The following ZNF608 variants were observed in gnomAD, a reference collection of about 807,000 sequenced individuals.
The protein encoded by ZNF608 is zinc finger protein 608.
A neutral mutation model predicts 109.0 loss-of-function variants in ZNF608; 12 were observed. The ratio of observed to expected loss-of-function variants is 0.11; its 90% confidence interval spans 0.07 to 0.18. The LOEUF is 0.18. Among genes scored for constraint, ZNF608 ranks in the 10% least tolerant of loss-of-function variants. The pLI is 1.00. For missense variants in ZNF608, 1,707 were observed against 1,879.3 expected (o/e 0.91, Z 1.70); for synonymous variants, 732 against 717.4 (o/e 1.02, Z -0.33).
At chr5:124,681,653 G>T (rs1752201850) in intron 3 of ZNF608, among the ~76,000 whole-genome samples, 1 of 152,120 alleles carries the variant, frequency 6.6e-6, no homozygotes, top group South Asian at 2.1e-4. Context: ...AAAGCCTGAG[G>T]CAGGACGATC....
At chr5:124,694,215 G>A (rs557715921) in intron 3 of ZNF608, among the ~76,000 whole-genome samples, 52 of 134,190 alleles carry the variant, frequency 3.9e-4, no homozygotes, top group African/African-American at 1.0e-3. Flanking sequence ...AGATGGTCTC[G>A]ATCTCCTGAC....
At chr5:124,682,526 G>C (rs999331602) in intron 3 of ZNF608, among the ~76,000 whole-genome samples, 2 of 152,230 alleles carry the variant, frequency 1.3e-5, no homozygotes, top group African/African-American at 4.8e-5. Flanking sequence ...GATTTTTATA[G>C]CTATGAATAA....
chr5:124,702,652 T>G lies in ZNF608; in HGVS notation c.907-1383A>C, dbSNP rs190150428. On this transcript the variant is annotated intron_variant, in intron 2 of 9. Coordinates refer to ENST00000513986, the MANE Select transcript of ZNF608 (RefSeq NM_020747.3). ...ACTATTTCTACAGTTTGCATTTCAC[T>G]AAAATGATAAACTGACGTTCACTTG... Among the ~76,000 whole-genome samples, 84 of 152,310 alleles carry G rather than the reference T, an allele frequency of 5.5e-4. No homozygotes were observed. The Middle Eastern group carries it at 0.01, about 19-fold the overall frequency.
chr5:124,740,841 T>C (rs1484667145), intron 2 of ZNF608, among the ~76,000 whole-genome samples: 2 of 152,224 alleles, frequency 1.3e-5, no homozygotes, highest in Non-Finnish European at 2.9e-5. Context: ...AGTTTTTGTA[T>C]ATATTTTTGA....
At chr5:124,737,012 G>C (rs1039402453) in intron 2 of ZNF608, among the ~76,000 whole-genome samples, 2 of 152,080 alleles carry the variant, frequency 1.3e-5, no homozygotes, top group African/African-American at 4.8e-5. Context: ...GTCTCCTTAA[G>C]TTACCCTTCA....
chr5:124,699,232 T>C (rs1752955074), intron 3 of ZNF608, among the ~76,000 whole-genome samples: 1 of 152,144 alleles, frequency 6.6e-6, no homozygotes, highest in Non-Finnish European at 1.5e-5. Context: ...ACCATTTCCC[T>C]TAGAGAAAAT....
chr5:124,661,332 A>C (rs1751247093), intron 3 of ZNF608, among the ~76,000 whole-genome samples: 1 of 152,172 alleles, frequency 6.6e-6, no homozygotes, highest in African/African-American at 2.4e-5. Context: ...CTCTGCAGCA[A>C]GGCTCTGGGG....
At chr5:124,638,754 AT>A (rs1457807260) in intron 9 of ZNF608, 27 of 838,294 alleles carry the variant, frequency 3.2e-5, no homozygotes, top group Non-Finnish European at 4.1e-5. Context: ...TTAGGGAATA[AT>A]TTAAAATATC....
Position 124,644,357 on chromosome 5 carries a change from C to A in ZNF608, c.4010G>T (p.Ser1337Ile), listed in dbSNP as rs563668891. 1.9e-6 allele frequency: 3 copies of A among 1,614,162 alleles called. No individual in the cohort carries two copies. Among genetic ancestry groups the A allele is most frequent in the Non-Finnish European group, 2.5e-6 (3 of 1,180,024 alleles). ...GTRVAVSSPM[S>I]QHQSYIQYLH... ...GTACTGTATGTATGACTGATGCTGACTCATGGGTGAGGAGACAGCCACTCT... is the reference window on the plus strand; with the variant it reads ...GTACTGTATGTATGACTGATGCTGAATCATGGGTGAGGAGACAGCCACTCT... Residue 1337 changes from serine (S) to isoleucine (I), a missense_variant, in exon 6 of 10, where the codon AGT becomes ATT. By Grantham distance (142) the Ser-to-Ile change is moderately radical. This residue lies in a region of ZNF608 where 1,073 missense variants were observed against 1,133.5 expected (regional missense o/e 0.95). Coordinates refer to ENST00000513986, the MANE Select transcript of ZNF608 (RefSeq NM_020747.3).
At chr5:124,726,566 A>G (rs964126203) in intron 2 of ZNF608, among the ~76,000 whole-genome samples, 2 of 151,764 alleles carry the variant, frequency 1.3e-5, no homozygotes, top group Non-Finnish European at 2.9e-5. Context: ...TTCTCTCACC[A>G]GGACCACTGA....
chr5:124,659,988 T>G (rs1751180725), intron 3 of ZNF608, among the ~76,000 whole-genome samples: 1 of 152,182 alleles, frequency 6.6e-6, no homozygotes, highest in Non-Finnish European at 1.5e-5. Flanking sequence ...GAGCATACAT[T>G]CCTACCGCTC....
intron 5 of ZNF608, among the ~76,000 whole-genome samples, chr5:124,646,231 C>G (rs186934070): frequency 1.2e-4 from 19 of 152,184 alleles, no homozygotes; most frequent in East Asian, 1.2e-3. Context: ...CATGGTGGCA[C>G]GTGCCTGTAG....
At chr5:124,745,984 G>A (rs1279115528) in intron 1 of ZNF608, 4 of 211,176 alleles carry the variant, frequency 1.9e-5, no homozygotes, top group East Asian at 3.7e-4. Context: ...TCTTAAATAC[G>A]GTGCTACTGA....
In ZNF608 at chr5:124,647,820, T is replaced by C. The variant is rs530056796; in HGVS notation, c.2564A>G (p.Lys855Arg). 1.2e-4 allele frequency: 186 copies of C among 1,614,272 alleles called. 3 individuals are homozygous for C. The South Asian group carries it at 2.0e-3, about 17-fold the overall frequency. ...CCCTTCATTCTTGTTGAGATGATCC[T>C]TTAAAAAATGCCCAGGTAAATCTTT... ...ASKDLPGHFL[K>R]DHLNKNEGLA... Residue 855 changes from lysine (K) to arginine (R), a missense_variant, in exon 5 of 10, where the codon AAG becomes AGG. Coordinates refer to ENST00000513986, the MANE Select transcript of ZNF608 (RefSeq NM_020747.3).
intron 2 of ZNF608, among the ~76,000 whole-genome samples, chr5:124,742,039 C>A (rs749599817): frequency 6.6e-6 from 1 of 152,184 alleles, no homozygotes; most frequent in Non-Finnish European, 1.5e-5. Flanking sequence ...TTCCCTCCCC[C>A]ACCCCAGATC....
At chr5:124,675,954 T>C (rs761533757) in intron 3 of ZNF608, among the ~76,000 whole-genome samples, 1 of 152,156 alleles carries the variant, frequency 6.6e-6, no homozygotes, top group Non-Finnish European at 1.5e-5. Flanking sequence ...AGAAATGCCT[T>C]TCTGGGAGGT....
chr5:124,715,059 C>A (rs1370152909), intron 2 of ZNF608, among the ~76,000 whole-genome samples: 1 of 152,132 alleles, frequency 6.6e-6, no homozygotes, highest in East Asian at 1.9e-4. Context: ...ATGCTTGCTT[C>A]AGCTATTTCA....
rs909655173 is a variant in ZNF608, at chr5:124,730,689, C to T, written c.906+13395G>A. ...TCTTAGGTTGGCATTTTTCCTTTCA[C>T]ATTTTATATGGGCAACAAAAAGGAT... On this transcript the variant is annotated intron_variant, in intron 2 of 9. Transcript: ENST00000513986. 2.0e-4 allele frequency among the ~76,000 whole-genome samples: 31 copies of T among 152,120 alleles called. 1 individual carries two copies. The highest frequency in any genetic ancestry group is 2.0e-3 in the Admixed American group (30 of 15,284).
At chr5:124,693,932 A>C (rs1752717698) in intron 3 of ZNF608, among the ~76,000 whole-genome samples, 1 of 104,390 alleles carries the variant, frequency 9.6e-6, no homozygotes. Flanking sequence ...ATTTTTTTTT[A>C]CCTTCTGTAT....
Sources: allele counts gnomAD v4.1 joint callset (sites outside exome capture counted in the v4.1 genomes callset), GRCh38; gene constraint gnomAD v4.1.1; regional missense constraint gnomAD v4.1.1; transcripts MANE v1.5; gene names NCBI Gene and HGNC (gene_info 2026-07-23, HGNC 2026-07-21).